Variants in TNFAIP8 observed in about 807,000 individuals in gnomAD.
The protein encoded by TNFAIP8 is tumor necrosis factor alpha-induced protein 8.
In TNFAIP8, 7 loss-of-function variants were observed where a neutral mutation model predicts 13.3. That is an observed-to-expected ratio of 0.52 (90% confidence interval 0.30 to 0.99). The LOEUF (loss-of-function observed/expected upper bound fraction) is 0.99. Among genes scored for constraint, TNFAIP8 ranks in the 50% least tolerant of loss-of-function variants. TNFAIP8 has a pLI of 0.07. For synonymous variants in TNFAIP8, 94 were observed against 87.6 expected (o/e 1.07, Z -0.41); for missense variants, 258 against 236.9 (o/e 1.09, Z -0.58).
intron 1 of TNFAIP8, among the ~76,000 whole-genome samples, chr5:119,387,454 C>G (rs1752724210): frequency 6.6e-6 from 1 of 151,822 alleles, no homozygotes; most frequent in Admixed American, 6.6e-5. Flanking sequence ...TTAAAGAGTC[C>G]CAAGTATAAT....
chr5:119,370,353 T>A (rs1161681087), intron 1 of TNFAIP8, among the ~76,000 whole-genome samples: 3 of 152,204 alleles, frequency 2.0e-5, no homozygotes, highest in Non-Finnish European at 4.4e-5. Context: ...TAAAACTCTT[T>A]AAGTTGAGTA....
intron 1 of TNFAIP8, among the ~76,000 whole-genome samples, chr5:119,323,879 C>T (rs533773433): frequency 6.6e-6 from 1 of 152,184 alleles, no homozygotes; most frequent in South Asian, 2.1e-4. Context: ...TGAGACTTGT[C>T]TAGAATGTTT....
intron 1 of TNFAIP8, among the ~76,000 whole-genome samples, chr5:119,392,425 G>C (rs1166465082): frequency 6.6e-6 from 1 of 151,768 alleles, no homozygotes; most frequent in Non-Finnish European, 1.5e-5. Context: ...GAGTCTCGCT[G>C]TGTCACCCAG....
At chr5:119,388,333 C>A (rs1752756985) in intron 1 of TNFAIP8, among the ~76,000 whole-genome samples, 1 of 152,144 alleles carries the variant, frequency 6.6e-6, no homozygotes, top group Non-Finnish European at 1.5e-5. Flanking sequence ...CCTTTTAATA[C>A]AACAAACAAA....
At chr5:119,338,246 T>G (rs80127632) in intron 1 of TNFAIP8, among the ~76,000 whole-genome samples, 236 of 150,904 alleles carry the variant, frequency 1.6e-3, no homozygotes, top group African/African-American at 5.2e-3. Flanking sequence ...ACAAGTCTTG[T>G]CCTTTTTGCT....
intron 1 of TNFAIP8, among the ~76,000 whole-genome samples, chr5:119,309,921 C>T (rs1749678738): frequency 6.6e-6 from 1 of 152,190 alleles, no homozygotes; most frequent in African/African-American, 2.4e-5. Flanking sequence ...TTCTTTAAGC[C>T]ACTGTTTTCC....
chr5:119,307,873 A>G (rs183681597), intron 1 of TNFAIP8, among the ~76,000 whole-genome samples: 2 of 152,328 alleles, frequency 1.3e-5, no homozygotes, highest in African/African-American at 2.4e-5. Context: ...CTTGGAAACA[A>G]GCCAGAGTTT....
chr5:119,382,752 C>T (rs1000593438), intron 1 of TNFAIP8, among the ~76,000 whole-genome samples: 1 of 152,198 alleles, frequency 6.6e-6, no homozygotes, highest in African/African-American at 2.4e-5. Flanking sequence ...GGCAAGGCCC[C>T]TGACCCAGTC....
intron 1 of TNFAIP8, among the ~76,000 whole-genome samples, chr5:119,332,714 C>G (rs2112709214): frequency 6.6e-6 from 1 of 152,292 alleles, no homozygotes; most frequent in South Asian, 2.1e-4. Flanking sequence ...AAGTGGTACA[C>G]TTGAATCTTA....
chr5:119,329,626 C>T (rs141334445), intron 1 of TNFAIP8, among the ~76,000 whole-genome samples: 1 of 152,228 alleles, frequency 6.6e-6, no homozygotes, highest in Admixed American at 6.5e-5. Flanking sequence ...GGCTCATATC[C>T]CAGCATTCTG....
chr5:119,337,527 G>A (rs567392471), intron 1 of TNFAIP8, among the ~76,000 whole-genome samples: 8 of 152,276 alleles, frequency 5.3e-5, no homozygotes, highest in South Asian at 2.1e-4. Flanking sequence ...AGCTAAGAAT[G>A]AGTGCTTGCT....
chr5:119,310,633 G>A (rs1749699278), intron 1 of TNFAIP8, among the ~76,000 whole-genome samples: 1 of 152,072 alleles, frequency 6.6e-6, no homozygotes, highest in African/African-American at 2.4e-5. Flanking sequence ...TCAGGAGTTT[G>A]ACACCATCCT....
intron 1 of TNFAIP8, among the ~76,000 whole-genome samples, chr5:119,339,787 T>C (rs962459909): frequency 2.0e-5 from 3 of 152,168 alleles, no homozygotes; most frequent in African/African-American, 7.2e-5. Context: ...CCAATATAAT[T>C]TGTATTTAAA....
chr5:119,325,371 T>C (rs972217338), intron 1 of TNFAIP8, among the ~76,000 whole-genome samples: 2 of 152,242 alleles, frequency 1.3e-5, no homozygotes, highest in Non-Finnish European at 2.9e-5. Context: ...CTCCTTACCA[T>C]GTCCTATATG....
rs1371563960 is a variant in TNFAIP8 at position 119,271,783 on chromosome 5, AC to A, written c.1+2877del. The stretch of plus-strand genomic sequence containing the variant: ...GAAGGAGTTGTGTGGTGCCAGATTA[AC>A]TTTTATCACCTCACCCCTCCTCACA... On this transcript the variant is annotated intron_variant, in intron 1 of 1. Coordinates refer to the TNFAIP8 transcript ENST00000274456. Among the ~76,000 whole-genome samples, 4 of 152,192 alleles carry A rather than the reference AC, an allele frequency of 2.6e-5. No individual in the cohort carries two copies. In the East Asian group the frequency reaches 5.8e-4, roughly 22 times the overall value.
At chr5:119,277,505 C>T (rs1292712031) in intron 1 of TNFAIP8, among the ~76,000 whole-genome samples, 10 of 152,074 alleles carry the variant, frequency 6.6e-5, no homozygotes, top group Admixed American at 2.6e-4. Context: ...GCACACTTGG[C>T]GTCTGTGTGT....
upstream of TNFAIP8, chr5:119,355,100 A>T (rs1439079724): frequency 1.8e-6 from 1 of 540,932 alleles, no homozygotes; most frequent in African/African-American, 1.9e-5. Flanking sequence ...CTCTCAGCCA[A>T]TTTGTAGGGG....
At chr5:119,388,421 G>A (rs1050465577) in intron 1 of TNFAIP8, among the ~76,000 whole-genome samples, 3 of 152,168 alleles carry the variant, frequency 2.0e-5, no homozygotes, top group Non-Finnish European at 4.4e-5. Context: ...GTATATTGTG[G>A]ATGAGATAGG....
chr5:119,367,374 A>C (rs182705536), intron 1 of TNFAIP8, among the ~76,000 whole-genome samples: 1 of 152,188 alleles, frequency 6.6e-6, no homozygotes, highest in African/African-American at 2.4e-5. Flanking sequence ...TGGAATGTCA[A>C]CTGGACTATT....
Sources: gnomAD v4.1 joint callset for allele counts (sites outside exome capture counted in the v4.1 genomes callset) on GRCh38, gnomAD v4.1.1 for gene constraint, MANE v1.5 for transcripts, NCBI Gene and HGNC (gene_info 2026-07-23, HGNC 2026-07-21) for gene names.